RPS6KA5: variants seen among roughly 807,000 people sequenced by gnomAD.
The protein encoded by RPS6KA5 is ribosomal protein S6 kinase A5, also known as ribosomal protein S6 kinase alpha-5.
RPS6KA5 carries 27 observed loss-of-function variants against 85.5 expected under a neutral mutation model. The ratio of observed to expected loss-of-function variants is 0.32; its 90% CI spans 0.23 to 0.44. The LOEUF (loss-of-function observed/expected upper bound fraction) is 0.44, where lower values mean the gene tolerates loss of function less well. Among genes scored for constraint, RPS6KA5 ranks in the 20% least tolerant of loss-of-function variants. RPS6KA5 has a pLI of 1.00. For missense variants in RPS6KA5, 811 were observed against 980.9 expected, an observed-to-expected ratio of 0.83 and a Z score of 2.31; for synonymous variants, 334 against 348.2, an observed-to-expected ratio of 0.96 and a Z score of 0.46.
intron 9 of RPS6KA5, among the ~76,000 whole-genome samples, chr14:90,902,180 T>A (rs1193108897): frequency 1.3e-5 from 2 of 148,164 alleles, no homozygotes; most frequent in African/African-American, 5.0e-5. Flanking sequence ...AGACCTTGTT[T>A]CTTAAAAAAA....
At chr14:90,913,995 C>T (rs1350821092) in intron 7 of RPS6KA5, among the ~76,000 whole-genome samples, 5 of 152,214 alleles carry the variant, frequency 3.3e-5, no homozygotes, top group African/African-American at 1.2e-4. Flanking sequence ...ACCATGAGTA[C>T]ATGAGAAACA....
At chr14:90,948,420 G>A (rs1175629360) in intron 3 of RPS6KA5, among the ~76,000 whole-genome samples, 4 of 152,180 alleles carry the variant, frequency 2.6e-5, no homozygotes, top group African/African-American at 9.7e-5. Context: ...CACTGAGCCG[G>A]GCGCAGTGGC....
At position 90,954,897 on chromosome 14, in the gene RPS6KA5, T is replaced by C. The variant is rs547344681; in HGVS notation, c.395-7347A>G. ...ACAAAACTGTATGTTGGTATACAGT[T>C]GTTCATGATGATCCTTTCTAATTCT... On this transcript the variant is annotated intron_variant, in intron 3 of 16. Transcript: ENST00000614987. Among the ~76,000 whole-genome samples, 3 of 152,360 alleles carry C rather than the reference T, an allele frequency of 2.0e-5. 1 individual carries two copies. Among genetic ancestry groups the C allele is most frequent in the Admixed American group, 2.0e-4 (3 of 15,298 alleles).
At chr14:90,998,611 T>C (rs1209812092) in intron 2 of RPS6KA5, among the ~76,000 whole-genome samples, 1 of 152,194 alleles carries the variant, frequency 6.6e-6, no homozygotes, top group Admixed American at 6.5e-5. Flanking sequence ...TAAAGGGTAT[T>C]ATTTTGATAT....
chr14:91,053,955 A>G (rs1035761858), intron 1 of RPS6KA5, among the ~76,000 whole-genome samples: 1 of 152,260 alleles, frequency 6.6e-6, no homozygotes, highest in Non-Finnish European at 1.5e-5. Context: ...AAACTGTAGT[A>G]GTCAAGACAG....
chr14:90,874,750 G>A lies in RPS6KA5; in HGVS notation c.1996+451C>T, dbSNP rs533238825. ...GAACAAAGGCAACGGCAGGTGAATGGGAAGGAAGGGACCGGACTGCTAGGA... is the reference window on the plus strand; with the variant it reads ...GAACAAAGGCAACGGCAGGTGAATGAGAAGGAAGGGACCGGACTGCTAGGA... On this transcript the variant is annotated intron_variant, in intron 15 of 16. Transcript: ENST00000614987. Among the ~76,000 whole-genome samples, 200 of 152,102 alleles carry A rather than the reference G, an allele frequency of 1.3e-3. 1 individual carries two copies. Among genetic ancestry groups the A allele is most frequent in the Non-Finnish European group, 2.0e-3 (136 of 67,948 alleles).
intron 13 of RPS6KA5, among the ~76,000 whole-genome samples, chr14:90,891,677 C>G (rs966118117): frequency 3.3e-5 from 5 of 152,148 alleles, no homozygotes; most frequent in Non-Finnish European, 7.3e-5. Context: ...GAAAAATCTC[C>G]TAAGTCTTCC....
Position 90,864,126 on chromosome 14 carries a change from G to C in RPS6KA5, c.*7948C>G, listed in dbSNP as rs2032698556. 6.6e-6 allele frequency: 1 copy of C among 152,126 alleles called. No individual in the cohort carries two copies. The highest frequency in any genetic ancestry group is 2.1e-4 in the South Asian group (1 of 4,834). 9.4% of individuals were successfully genotyped at this position (152,126 alleles called of 1,614,324 possible). Reference sequence around the variant, plus strand: ...ATGGACTGTAAACCTAATGTGGATGGTAAAACAATAAAGCTTTTAGTTTTA... The same window carrying C: ...ATGGACTGTAAACCTAATGTGGATGCTAAAACAATAAAGCTTTTAGTTTTA... On this transcript the variant is annotated 3_prime_UTR_variant, in exon 17 of 17. Transcript: ENST00000614987.
intron 16 of RPS6KA5, among the ~76,000 whole-genome samples, chr14:90,872,911 C>CA: frequency 6.6e-6 from 1 of 152,338 alleles, no homozygotes; most frequent in East Asian, 1.9e-4. Context: ...TGTCACCTTG[C>CA]AACCTATGTC....
At chr14:91,045,255 T>A (rs965887799) in intron 1 of RPS6KA5, among the ~76,000 whole-genome samples, 4 of 150,008 alleles carry the variant, frequency 2.7e-5, no homozygotes, top group African/African-American at 9.9e-5. Context: ...CAAGTTCTGC[T>A]GATTCTTTTT....
intron 14 of RPS6KA5, among the ~76,000 whole-genome samples, chr14:90,884,485 G>T (rs2034061284): frequency 6.6e-6 from 1 of 152,192 alleles, no homozygotes; most frequent in African/African-American, 2.4e-5. Context: ...CTGGTCCCAA[G>T]CATTTTGAAT....
At chr14:90,924,881 T>C (rs1030261196) in intron 5 of RPS6KA5, among the ~76,000 whole-genome samples, 7 of 152,364 alleles carry the variant, frequency 4.6e-5, no homozygotes, top group African/African-American at 1.7e-4. Flanking sequence ...TCTGATGAAA[T>C]AATTCCTAGC....
At chr14:90,963,942 T>G (rs1311598391) in intron 3 of RPS6KA5, among the ~76,000 whole-genome samples, 1 of 152,186 alleles carries the variant, frequency 6.6e-6, no homozygotes, top group African/African-American at 2.4e-5. Context: ...AAGCTGAGGC[T>G]GGGGTCAGAT....
intron 16 of RPS6KA5, 36 bp from the exon 17 acceptor site, chr14:90,872,358 A>T: frequency 6.4e-7 from 1 of 1,571,024 alleles, no homozygotes; most frequent in Non-Finnish European, 8.6e-7. Context: ...CTGTGAAGGT[A>T]AAAGTACTGA....
Position 91,001,104 on chromosome 14 carries a change from C to T in RPS6KA5, c.159G>A (p.Lys53=). The change falls in exon 2 of 17, where the codon AAG becomes AAA. Residue 53 remains lysine, a synonymous_variant. Transcript: ENST00000614987. ...AAGACTTACCTCCAGTTCCTAGGACCTTCAGGAGCTCAAAATTTTCTATTC... is the reference window on the plus strand; with the variant it reads ...AAGACTTACCTCCAGTTCCTAGGACTTTCAGGAGCTCAAAATTTTCTATTC... ...KVGIENFELL[K]VLGTGAYGKV... is the part of the protein sequence containing the mutation. The T allele has an allele frequency of 1.3e-6, 2 of 1,593,268 alleles. No homozygotes were observed. The highest frequency in any genetic ancestry group is 1.7e-6 in the Non-Finnish European group (2 of 1,167,930).
intron 2 of RPS6KA5, 40 bp downstream of exon 2, chr14:91,001,048 A>G: frequency 9.3e-7 from 1 of 1,080,338 alleles, no homozygotes. Flanking sequence ...AATAATAAGT[A>G]CTTTTTTTTT....
chr14:90,901,709 A>C (rs1398007301), intron 9 of RPS6KA5, among the ~76,000 whole-genome samples: 1 of 152,232 alleles, frequency 6.6e-6, no homozygotes, highest in Admixed American at 6.5e-5. Context: ...AGCCATACTA[A>C]AGGTATACTT....
Position 90,908,030 on chromosome 14 carries a change from G to C in RPS6KA5, c.807-1731C>G, listed in dbSNP as rs117013911. ...TTGGCTGACATCATCTTAGCATACT[G>C]ACTCTGCACCATCTTATTACTTCTT... On this transcript the variant is annotated intron_variant, in intron 7 of 16. Transcript: ENST00000614987. Among the ~76,000 whole-genome samples the C allele has an allele frequency of 2.2e-4, 34 of 152,310 alleles. No individual in the cohort carries two copies. The East Asian group carries it at 6.2e-3, about 28-fold the overall frequency.
intron 6 of RPS6KA5, among the ~76,000 whole-genome samples, chr14:90,921,252 A>G (rs902885174): frequency 2.0e-5 from 3 of 152,230 alleles, no homozygotes; most frequent in Admixed American, 1.3e-4. Flanking sequence ...CATACAAAAC[A>G]CATCAGGCAG....
Sources: allele counts gnomAD v4.1 joint callset (sites outside exome capture counted in the v4.1 genomes callset), GRCh38; gene constraint gnomAD v4.1.1; transcripts MANE v1.5; gene names NCBI Gene and HGNC (gene_info 2026-07-23, HGNC 2026-07-21).